Variants in BRWD1 observed in about 807,000 individuals in gnomAD.
BRWD1 encodes the protein bromodomain and WD repeat-containing protein 1.
A neutral mutation model predicts 251.2 loss-of-function variants in BRWD1; 82 were observed. That is an observed-to-expected ratio of 0.33 (90% CI 0.27 to 0.39). The LOEUF is 0.39. Among genes scored for constraint, BRWD1 ranks in the 10% least tolerant of loss-of-function variants. BRWD1 has a pLI of 1.00. For synonymous variants in BRWD1, 918 were observed against 902.8 expected (o/e 1.02, Z -0.30); for missense variants, 2,233 against 2,711.6 (o/e 0.82, Z 3.92).
chr21:39,192,366 C>G lies in BRWD1; in HGVS notation c.*3893G>C. On this transcript the variant is annotated 3_prime_UTR_variant, in exon 41 of 41. Coordinates refer to ENST00000342449, the MANE Select transcript of BRWD1 (RefSeq NM_033656.4). The stretch of plus-strand genomic sequence containing the variant: ...GCTCTATTTTCTCACCTAGTTTTGA[C>G]AAATTTATTCCTTCTCTTCCCAAAT... The G allele has an allele frequency of 1.0e-6, 1 of 985,050 alleles. No individual in the cohort carries two copies. The highest frequency in any genetic ancestry group is 1.2e-6 in the Non-Finnish European group (1 of 829,712). The allele number at this position is 985,050 out of a possible 1,614,324, so 61.0% of individuals were successfully genotyped here.
At position 39,199,427 on chromosome 21, in the gene BRWD1, G is replaced by A; in HGVS notation, c.4989C>T (p.His1663=). 6.2e-7 allele frequency: 1 copy of A among 1,614,224 alleles called. No individual in the cohort carries two copies. Among genetic ancestry groups the A allele is most frequent in the Non-Finnish European group, 8.5e-7 (1 of 1,180,044 alleles). ...TTCTAGCTACAGCAGAAGCATTGCG[G>A]TGAGGCAGCTTCCGACCAGAACAGA... ...ESVCSGRKLP[H]RNASAVARKK... is the part of the protein sequence containing the mutation. The change falls in exon 40 of 41, where the codon CAC becomes CAT. Residue 1663 remains histidine, a synonymous_variant. Transcript: ENST00000342449.
chr21:39,291,255 G>A (rs2836974), intron 8 of BRWD1, among the ~76,000 whole-genome samples: 46,567 of 152,032 alleles, frequency 0.31, 7,590 homozygotes, highest in Middle Eastern at 0.36. Flanking sequence ...TAAGTGACCA[G>A]TAATACACAG....
In BRWD1 at chr21:39,193,352, T is replaced by C; in HGVS notation, c.*2907A>G. ...AGGCTGACCTTAGGAATTATTTGAATATGGGATAAACTTTTCCTTTTATTC... is the reference window on the plus strand; with the variant it reads ...AGGCTGACCTTAGGAATTATTTGAACATGGGATAAACTTTTCCTTTTATTC... On this transcript the variant is annotated 3_prime_UTR_variant, in exon 41 of 41. Transcript: ENST00000342449. 1 of 984,780 alleles carries C rather than the reference T, an allele frequency of 1.0e-6. No homozygotes were observed. The highest frequency in any genetic ancestry group is 1.2e-6 in the Non-Finnish European group (1 of 829,368). 61.0% of individuals were successfully genotyped at this position (984,780 alleles called of 1,614,324 possible).
intron 21 of BRWD1, among the ~76,000 whole-genome samples, chr21:39,244,760 A>C (rs2034120139): frequency 6.6e-6 from 1 of 151,990 alleles, no homozygotes; most frequent in Non-Finnish European, 1.5e-5. Context: ...AGAGGTTGGA[A>C]CAGAGCTGCA....
intron 37 of BRWD1, among the ~76,000 whole-genome samples, chr21:39,203,081 G>C (rs958724668): frequency 6.6e-6 from 1 of 152,212 alleles, no homozygotes; most frequent in Admixed American, 6.5e-5. Context: ...ACTAGGCCAG[G>C]AATTATGAGA....
rs1436724759 is a variant in BRWD1 at position 39,198,931 on chromosome 21, C to G, written c.5485G>C (p.Glu1829Gln). ...CATTTCCCATCTTCTCTATCTTGCT[C>G]TTCAGATTCAGAGTCTTCTGAGTCA... ...LSDSEDSESE[E>Q]QDREDGKCHK... The change falls in exon 40 of 41, where the codon GAG becomes CAG. Residue 1829 changes from glutamate to glutamine, a missense_variant. Transcript: ENST00000342449. 6.2e-7 allele frequency: 1 copy of G among 1,614,080 alleles called. No individual in the cohort carries two copies. Among genetic ancestry groups the G allele is most frequent in the South Asian group, 1.1e-5 (1 of 91,066 alleles).
At chr21:39,216,082 C>A (rs2032879763) in intron 31 of BRWD1, among the ~76,000 whole-genome samples, 1 of 152,100 alleles carries the variant, frequency 6.6e-6, no homozygotes, top group Non-Finnish European at 1.5e-5. Flanking sequence ...AATGCACATT[C>A]CAGTGTTAAA....
chr21:39,190,349 T>C lies in BRWD1; in HGVS notation c.*5910A>G, dbSNP rs958299875. On this transcript the variant is annotated 3_prime_UTR_variant, in exon 41 of 41. Transcript: ENST00000342449. ...GGTTACTACAGAAGCATTATAAAAT[T>C]TTCATTGGCATTTTTAAAATTGGAG... 16 of 985,152 alleles carry C rather than the reference T, an allele frequency of 1.6e-5. No homozygotes were observed. Among genetic ancestry groups the C allele is most frequent in the Middle Eastern group, 5.2e-4 (1 of 1,934 alleles). 61.0% of individuals were successfully genotyped at this position (985,152 alleles called of 1,614,324 possible).
rs751805924 is a variant in BRWD1 at position 39,212,653 on chromosome 21, C to A, written c.3900+13G>T. The A allele has an allele frequency of 6.5e-7, 1 of 1,544,218 alleles. No individual in the cohort carries two copies. Among genetic ancestry groups the A allele is most frequent in the South Asian group, 1.2e-5 (1 of 85,834 alleles). ...AAAGAAACTACAAAAGTCAACCATG[C>A]AGAGTAACTTACTCTCCTCCTTCCA... is the stretch of plus-strand genomic sequence containing the variant. On this transcript the variant is annotated intron_variant, in intron 34 of 40. Coordinates refer to ENST00000342449, the MANE Select transcript of BRWD1 (RefSeq NM_033656.4).
chr21:39,218,508 G>A lies in BRWD1; in HGVS notation c.3535C>T (p.Leu1179Phe), dbSNP rs988911089. The A allele has an allele frequency of 1.3e-6, 2 of 1,567,606 alleles. No homozygotes were observed. Among genetic ancestry groups the A allele is most frequent in the Non-Finnish European group, 1.7e-6 (2 of 1,166,234 alleles). Residue 1179 changes from leucine (L) to phenylalanine (F), a missense_variant, in exon 30 of 41, where the codon CTT becomes TTT. Physicochemically the swap from Leu to Phe is conservative, Grantham distance 22 (BLOSUM62 0). Transcript: ENST00000342449. ...TCCTAAAAAATAAAAAACTTACCAA[G>A]ATTCAAAAGTTGATCTATACCACTG... Reference protein sequence around the residue: ...IISGIDQLLNLDIAAAFAGPV... With the variant: ...IISGIDQLLNFDIAAAFAGPV...
chr21:39,246,869 T>C (rs1374610180), intron 21 of BRWD1, among the ~76,000 whole-genome samples: 1 of 151,966 alleles, frequency 6.6e-6, no homozygotes, highest in East Asian at 1.9e-4. Flanking sequence ...GATCACAAGG[T>C]CAAGAGATCC....
intron 38 of BRWD1, among the ~76,000 whole-genome samples, chr21:39,201,129 TC>T: frequency 6.6e-6 from 1 of 152,276 alleles, no homozygotes; most frequent in Non-Finnish European, 1.5e-5. Flanking sequence ...TTTTACCCAT[TC>T]CTAACAGCAC....
At chr21:39,233,383 C>G (rs978829578) in intron 23 of BRWD1, among the ~76,000 whole-genome samples, 4 of 152,088 alleles carry the variant, frequency 2.6e-5, no homozygotes, top group Admixed American at 6.6e-5. Flanking sequence ...TTGTTATATA[C>G]AGCAATAGAT....
At chr21:39,201,171 C>G (rs541270184) in intron 38 of BRWD1, among the ~76,000 whole-genome samples, 175 of 152,210 alleles carry the variant, frequency 1.1e-3, no homozygotes, top group Non-Finnish European at 2.1e-3. Context: ...AACAGCTACA[C>G]GAGAGAAAGA....
Position 39,258,646 on chromosome 21 carries a change from T to C in BRWD1, c.1912A>G (p.Ile638Val), listed in dbSNP as rs143320174. The C allele has an allele frequency of 1.0e-5, 16 of 1,605,232 alleles. No homozygotes were observed. Among genetic ancestry groups the C allele is most frequent in the Non-Finnish European group, 1.4e-5 (16 of 1,175,618 alleles). ...TSDGEVIEQI[I>V]SLQTNDNDER... ...TCATTATCATTGGTTTGCAGGCTTA[T>C]AATTTGTTCAATCACCTCTCCATCA... Residue 638 changes from isoleucine (I) to valine (V), a missense_variant, in exon 18 of 41, where the codon ATA becomes GTA. Ile to Val is a conservative substitution (Grantham distance 29). Transcript: ENST00000342449.
chr21:39,248,806 T>C (rs1269338155), intron 20 of BRWD1, among the ~76,000 whole-genome samples: 1 of 152,010 alleles, frequency 6.6e-6, no homozygotes, highest in Admixed American at 6.6e-5. Flanking sequence ...AGTTTGATGA[T>C]CCCTCAAAGA....
Position 39,238,490 on chromosome 21 carries a change from G to A in BRWD1, c.2565C>T (p.Ser855=), listed in dbSNP as rs371036196. ...WRSDRKSESY[S]ESSSDSSSRY... ...ATAAAAACAGATACCTTGAACTTTC[G>A]CTGTAACTCTCACTTTTTCTGTCAC... is the stretch of plus-strand genomic sequence containing the variant. Residue 855 remains serine, a synonymous_variant, in exon 22 of 41, where the codon AGC becomes AGT. Coordinates refer to ENST00000342449, the MANE Select transcript of BRWD1 (RefSeq NM_033656.4). The A allele has an allele frequency of 9.3e-6, 15 of 1,611,796 alleles. No homozygotes were observed. Among genetic ancestry groups the A allele is most frequent in the Middle Eastern group, 1.7e-4 (1 of 6,054 alleles).
At chr21:39,275,045 A>C (rs2035237222) in intron 12 of BRWD1, among the ~76,000 whole-genome samples, 1 of 151,540 alleles carries the variant, frequency 6.6e-6, no homozygotes, top group South Asian at 2.1e-4. Context: ...ACTCCGTCTC[A>C]AAAAAAAATA....
intron 31 of BRWD1, among the ~76,000 whole-genome samples, chr21:39,215,791 C>T (rs1445357208): frequency 2.6e-5 from 4 of 152,032 alleles, no homozygotes; most frequent in Admixed American, 2.0e-4. Flanking sequence ...CCCAGGGGTT[C>T]AAGATCAGCC....
Sources: gnomAD v4.1 joint callset for allele counts (sites outside exome capture counted in the v4.1 genomes callset) on GRCh38, gnomAD v4.1.1 for gene constraint, MANE v1.5 for transcripts, NCBI Gene and HGNC (gene_info 2026-07-23, HGNC 2026-07-21) for gene names.